KIF26B: variants seen among roughly 807,000 people sequenced by gnomAD.
The protein encoded by KIF26B is kinesin-like protein KIF26B.
In KIF26B, 63 loss-of-function variants were observed where a neutral mutation model predicts 151.2. That is an observed-to-expected ratio of 0.42 (90% CI 0.34 to 0.51). The LOEUF (loss-of-function observed/expected upper bound fraction) is 0.51, where lower values mean the gene tolerates loss of function less well. KIF26B is among the 20% of genes least tolerant of loss of function. The probability of loss-of-function intolerance (pLI) is 0.07; values close to 1 mark genes in which losing one functional copy is unlikely to be tolerated. For missense variants in KIF26B, 2,813 were observed against 2,913.6 expected (o/e 0.97, Z 0.79); for synonymous variants, 1,357 against 1,262.1 (o/e 1.08, Z -1.59).
intron 2 of KIF26B, among the ~76,000 whole-genome samples, chr1:245,157,033 C>T (rs893539844): frequency 2.0e-5 from 3 of 152,198 alleles, no homozygotes; most frequent in African/African-American, 7.2e-5. Flanking sequence ...TCTCCCCACC[C>T]CCACCTGTGA....
chr1:245,156,207 G>A, intron 1 of KIF26B, 75 bp from the exon 2 acceptor site: 4 of 1,493,722 alleles, frequency 2.7e-6, no homozygotes, highest in Non-Finnish European at 3.6e-6. Flanking sequence ...ACTTGGTGGC[G>A]CACGTATGAC....
chr1:245,192,974 G>C (rs1669135223), intron 2 of KIF26B, among the ~76,000 whole-genome samples: 1 of 152,150 alleles, frequency 6.6e-6, no homozygotes, highest in East Asian at 1.9e-4. Context: ...TTGCTGTACA[G>C]ATGATTTCAT....
At chr1:245,403,733 G>A (rs571800604) in intron 3 of KIF26B, among the ~76,000 whole-genome samples, 1 of 152,282 alleles carries the variant, frequency 6.6e-6, no homozygotes, top group Admixed American at 6.5e-5. Context: ...TCTTGCCAAC[G>A]TTTTAGACTT....
chr1:245,501,533 C>A (rs1220935268), intron 4 of KIF26B, among the ~76,000 whole-genome samples: 1 of 152,174 alleles, frequency 6.6e-6, no homozygotes, highest in African/African-American at 2.4e-5. Context: ...CCTACATTTA[C>A]AAAGAGATGA....
chr1:245,630,054 ATGG>A (rs750435204), intron 9 of KIF26B, among the ~76,000 whole-genome samples: 5 of 152,252 alleles, frequency 3.3e-5, no homozygotes, highest in Non-Finnish European at 7.3e-5. Context: ...GCCAGTCAGA[ATGG>A]TGATTATTAA....
At chr1:245,164,056 ATTT>A (rs1389830765) in intron 2 of KIF26B, among the ~76,000 whole-genome samples, 1 of 152,000 alleles carries the variant, frequency 6.6e-6, no homozygotes, top group Non-Finnish European at 1.5e-5. Flanking sequence ...ATGTGTATAT[ATTT>A]TTTTCTATTA....
At chr1:245,369,168 TGAGAGAGAGA>T (rs112848389) in intron 3 of KIF26B, among the ~76,000 whole-genome samples, 14 of 135,764 alleles carry the variant, frequency 1.0e-4, no homozygotes, top group African/African-American at 1.3e-4. Context: ...AAAAGAAGAG[TGAGAGAGAGA>T]GAGAGAGAGA....
chr1:245,364,853 G>A (rs1429794023), intron 2 of KIF26B, among the ~76,000 whole-genome samples: 2 of 152,102 alleles, frequency 1.3e-5, no homozygotes, highest in Non-Finnish European at 2.9e-5. Flanking sequence ...GAGAGCATAA[G>A]CCATTGCTTA....
At chr1:245,646,344 T>G in intron 10 of KIF26B, 64 bp downstream of exon 10, 1 of 1,548,832 alleles carries the variant, frequency 6.5e-7, no homozygotes, top group Non-Finnish European at 8.8e-7. Context: ...CTTTGTTCAG[T>G]GCCATCTGTG....
Position 245,564,416 on chromosome 1 carries a change from C to A in KIF26B, c.1350+23466C>A, listed in dbSNP as rs980122688. On this transcript the variant is annotated intron_variant, in intron 5 of 14. Coordinates refer to ENST00000407071, the MANE Select transcript of KIF26B (RefSeq NM_018012.4). This position sits in a 1 kb window ranked among gnomAD's most constrained non-coding sequence, Gnocchi z 4.6. ...CACGGCCGTGTTTGCATTTTCTGAA[C>A]CCAGGATGGTGCCACTGTGGTTTGT... Among the ~76,000 whole-genome samples the A allele has an allele frequency of 3.9e-5, 6 of 152,138 alleles. No homozygotes were observed. The highest frequency in any genetic ancestry group is 1.4e-4 in the African/African-American group (6 of 41,414).
chr1:245,616,809 G>A (rs988649988), intron 9 of KIF26B, among the ~76,000 whole-genome samples: 5 of 152,130 alleles, frequency 3.3e-5, no homozygotes, highest in African/African-American at 1.2e-4. Flanking sequence ...AGGGTAATGC[G>A]CTAATGATAC....
chr1:245,465,358 CT>C (rs1659762208), intron 4 of KIF26B, among the ~76,000 whole-genome samples: 4 of 152,160 alleles, frequency 2.6e-5, no homozygotes, highest in African/African-American at 9.6e-5. Context: ...GATGAGGGAG[CT>C]GCTGGTGAGA....
At position 245,155,230 on chromosome 1, in the gene KIF26B, C is replaced by T. The variant is rs1189226006; in HGVS notation, c.-195C>T. 6 of 618,132 alleles carry T rather than the reference C, an allele frequency of 9.7e-6. No individual in the cohort carries two copies. The East Asian group carries it at 1.7e-4, about 18-fold the overall frequency. 38.3% of individuals were successfully genotyped at this position (618,132 alleles called of 1,614,324 possible). A position where few individuals can be genotyped will look rare whatever the true frequency, so the allele number is the denominator to read the frequency against. On this transcript the variant is annotated 5_prime_UTR_variant, in exon 1 of 15. Coordinates refer to ENST00000407071, the MANE Select transcript of KIF26B (RefSeq NM_018012.4). ...GAAGAGAAGAATAAACCAGCGACCC[C>T]AACCCTTTCTGCAAATTGGTGCTAT...
chr1:245,465,269 C>T (rs1288064918), intron 4 of KIF26B, among the ~76,000 whole-genome samples: 3 of 152,188 alleles, frequency 2.0e-5, no homozygotes, highest in Non-Finnish European at 2.9e-5. Flanking sequence ...TGAGCCACCG[C>T]GCCCGGACCC....
rs144742483 is a variant in KIF26B at position 245,449,224 on chromosome 1, G to A, written c.1166+29479G>A. 3.3e-5 allele frequency among the ~76,000 whole-genome samples: 5 copies of A among 152,286 alleles called. No homozygotes were observed. In the East Asian group the frequency reaches 5.8e-4, roughly 18 times the overall value. ...GCTTTTATTGAGCTCTCTATATCCCGACAGATCCTTGTCGTATGGAAGTGA... is the reference window on the plus strand; with the variant it reads ...GCTTTTATTGAGCTCTCTATATCCCAACAGATCCTTGTCGTATGGAAGTGA... On this transcript the variant is annotated intron_variant, in intron 4 of 14. Transcript: ENST00000407071.
chr1:245,474,403 TG>T (rs1341724624), intron 4 of KIF26B, among the ~76,000 whole-genome samples: 1 of 141,440 alleles, frequency 7.1e-6, no homozygotes, highest in East Asian at 2.2e-4. Flanking sequence ...CCACTGCTCC[TG>T]GCTTTTTTTT....
intron 2 of KIF26B, among the ~76,000 whole-genome samples, chr1:245,339,516 T>C (rs1170412392): frequency 1.3e-5 from 2 of 152,148 alleles, no homozygotes; most frequent in African/African-American, 4.8e-5. Flanking sequence ...GTTTCTGAGA[T>C]TGTAGATTCC....
rs147289469 is a variant in KIF26B, at chr1:245,555,545, G to A, written c.1350+14595G>A. Among the ~76,000 whole-genome samples, 6 of 152,260 alleles carry A rather than the reference G, an allele frequency of 3.9e-5. No homozygotes were observed. In the East Asian group the frequency reaches 5.8e-4, roughly 15 times the overall value. On this transcript the variant is annotated intron_variant, in intron 5 of 14. Transcript: ENST00000407071. ...AGCGGGCGGTTGGGGGTCAGGAAGC[G>A]GCTGCTCAGATGAAGGGGGTGCTGG...
rs66484653 is a variant in KIF26B, at chr1:245,290,175, T to TTGAATGAA, written c.466-76632_466-76625dup. ...CAGTAGGTGCTTAATCAAACCTTTATTGAATGAATGAATGAATGAATGAAT... is the reference window on the plus strand; with the variant it reads ...CAGTAGGTGCTTAATCAAACCTTTATTGAATGAATGAATGAATGAATGAATGAATGAAT... On this transcript the variant is annotated intron_variant, in intron 2 of 14. Coordinates refer to ENST00000407071, the MANE Select transcript of KIF26B (RefSeq NM_018012.4). Among the ~76,000 whole-genome samples the TTGAATGAA allele has an allele frequency of 7.1e-4, 31 of 43,488 alleles. No homozygotes were observed. The Middle Eastern group carries it at 0.074, about 104-fold the overall frequency. The allele number at this position is 43,488 out of a possible 152,430, so 28.5% of individuals were successfully genotyped here.
Sources: allele counts gnomAD v4.1 joint callset (sites outside exome capture counted in the v4.1 genomes callset), GRCh38; gene constraint gnomAD v4.1.1; non-coding constraint Gnocchi (gnomAD v3.1); transcripts MANE v1.5; gene names NCBI Gene and HGNC (gene_info 2026-07-23, HGNC 2026-07-21).